GAS5: variants seen among roughly 807,000 people sequenced by gnomAD.
GAS5 encodes the protein growth arrest specific 5 (non-protein coding).
chr1:173,864,581 T>G (rs1654263103), intron 6 of GAS5: 2 of 379,534 alleles, frequency 5.3e-6, no homozygotes, highest in South Asian at 3.9e-5. Flanking sequence ...ATTTTAACTT[T>G]TAAACAGCTA....
At chr1:173,866,461 AATC>A in intron 3 of GAS5, 1 of 632,240 alleles carries the variant, frequency 1.6e-6, no homozygotes, top group Non-Finnish European at 3.0e-6. Flanking sequence ...TAACATAGAT[AATC>A]ATCATTGCTT....
At chr1:173,864,163 T>C (rs765362883) in intron 7 of GAS5, 11 of 518,082 alleles carry the variant, frequency 2.1e-5, no homozygotes, top group South Asian at 1.5e-4. Context: ...TCAGATATTT[T>C]ATTGTCATCA....
At chr1:173,864,052 C>T (rs1430960852) in intron 7 of GAS5, 3 of 422,350 alleles carry the variant, frequency 7.1e-6, no homozygotes, top group Admixed American at 4.8e-5. Context: ...GGCCACTGCA[C>T]TCTAGCTTGG....
upstream of GAS5, chr1:173,867,120 TTCG>T (rs1012359313): frequency 6.6e-6 from 4 of 607,908 alleles, no homozygotes; most frequent in African/African-American, 5.6e-5. Flanking sequence ...AAAAAAACGG[TTCG>T]TCTTTTTAAA....
intron 4 of GAS5, chr1:173,866,130 AG>A (rs1432624089): frequency 2.4e-5 from 12 of 495,438 alleles, no homozygotes; most frequent in Middle Eastern, 3.3e-4. Context: ...TTTGTGCCGT[AG>A]GAAGTTTGCC....
upstream of GAS5, chr1:173,867,895 G>T: frequency 2.5e-6 from 1 of 404,766 alleles, no homozygotes; most frequent in Non-Finnish European, 5.0e-6. Flanking sequence ...TCAATTCAGG[G>T]TGACCTTAGC....
intron 5 of GAS5, chr1:173,865,556 CA>C: frequency 1.9e-6 from 1 of 517,568 alleles, no homozygotes; most frequent in Non-Finnish European, 3.9e-6. Context: ...AGCTGGAATA[CA>C]AATGAGGACT....
upstream of GAS5, chr1:173,868,086 TC>T (rs936603455): frequency 5.9e-6 from 1 of 169,024 alleles, no homozygotes; most frequent in Non-Finnish European, 1.3e-5. Context: ...CCCCCTAACC[TC>T]CCTCAATCTT....
intron 6 of GAS5, chr1:173,865,395 TC>T: frequency 3.9e-6 from 2 of 516,186 alleles, no homozygotes; most frequent in Non-Finnish European, 7.7e-6. Flanking sequence ...TCAGAGAGAT[TC>T]CCATCTGCTT....
At chr1:173,866,225 A>G (rs539271020) in intron 3 of GAS5, 1 of 485,636 alleles carries the variant, frequency 2.1e-6, no homozygotes, top group South Asian at 1.5e-5. Flanking sequence ...TTAATACAAA[A>G]TTGTCAGCAA....
chr1:173,867,957 T>C (rs1001991899), upstream of GAS5: 32 of 355,170 alleles, frequency 9.0e-5, no homozygotes, highest in South Asian at 1.9e-4. Context: ...AGATAAAACA[T>C]ACCTCACAGG....
chr1:173,864,399 A>G (rs1287781423), intron 6 of GAS5: 2 of 519,074 alleles, frequency 3.9e-6, no homozygotes, highest in Admixed American at 3.9e-5. Flanking sequence ...ACGGTTTTAC[A>G]GTGATATCAT....
intron 5 of GAS5, chr1:173,865,722 A>T (rs766702633): frequency 1.9e-6 from 1 of 519,236 alleles, no homozygotes. Flanking sequence ...GAAAACACAT[A>T]AACACTGTTC....
chr1:173,866,365 G>T (rs765742878), intron 3 of GAS5: 1 of 530,316 alleles, frequency 1.9e-6, no homozygotes, highest in African/African-American at 1.9e-5. Context: ...AACCATCATA[G>T]TATCTGTTTT....
At chr1:173,867,213 C>T, upstream of GAS5, 1 of 542,138 alleles carries the variant, frequency 1.8e-6, no homozygotes, top group East Asian at 3.0e-5. Flanking sequence ...AGCACTGCAC[C>T]CGCAGTTAAG....
chr1:173,867,607 G>A, upstream of GAS5: 5 of 517,522 alleles, frequency 9.7e-6, no homozygotes, highest in South Asian at 7.0e-5. Flanking sequence ...TTTCATGAGA[G>A]CGGACGGCTG....
chr1:173,864,233 A>G, intron 7 of GAS5: 1 of 516,178 alleles, frequency 1.9e-6, no homozygotes, highest in Non-Finnish European at 3.9e-6. Context: ...CAATTATAAT[A>G]GTCCCAACAT....
At chr1:173,866,745 GGAATT>G (rs1405765272) in intron 2 of GAS5, 2 of 765,302 alleles carry the variant, frequency 2.6e-6, no homozygotes, top group African/African-American at 3.4e-5. Context: ...TTTTTGAGAG[GGAATT>G]TTCAACTTAC....
chr1:173,866,413 G>C lies in GAS5; in HGVS notation n.131+115C>G, dbSNP rs369073941. 32 of 569,142 alleles carry C rather than the reference G, an allele frequency of 5.6e-5. No individual in the cohort carries two copies. In the African/African-American group the frequency reaches 5.9e-4, roughly 10 times the overall value. 35.3% of individuals were successfully genotyped at this position (569,142 alleles called of 1,614,324 possible). A position where few individuals can be genotyped will look rare whatever the true frequency, so the allele number is the denominator to read the frequency against. ...AGTATTAAACTTAGTATCAATATGAGAGCAAAATTCTCATTTGAAAAGAGG... is the reference window on the plus strand; with the variant it reads ...AGTATTAAACTTAGTATCAATATGACAGCAAAATTCTCATTTGAAAAGAGG... On this transcript the variant is annotated intron_variant and non_coding_transcript_variant, in intron 3 of 7. Coordinates refer to ENST00000651080, the Ensembl canonical transcript of GAS5.
Sources: allele counts gnomAD v4.1 joint callset, GRCh38; gene constraint gnomAD v4.1.1; transcripts MANE v1.5; gene names NCBI Gene and HGNC (gene_info 2026-07-23, HGNC 2026-07-21).